The following CEP128 variants were observed in gnomAD, a reference collection of about 807,000 sequenced individuals.
CEP128 encodes the protein centrosomal protein 128kDa.
CEP128 carries 132 observed loss-of-function variants against 156.7 expected under a neutral mutation model. That is an observed-to-expected ratio of 0.84 (90% CI 0.73 to 0.97). CEP128 has a LOEUF of 0.97. CEP128 is among the 50% of genes least tolerant of loss of function. CEP128 has a pLI of 0.00. For missense variants in CEP128, 1,252 were observed against 1,281.9 expected (o/e 0.98, Z 0.36); for synonymous variants, 469 against 448.9 (o/e 1.04, Z -0.57).
intron 23 of CEP128, among the ~76,000 whole-genome samples, chr14:80,513,987 T>C (rs1048408821): frequency 1.3e-5 from 2 of 152,210 alleles, no homozygotes; most frequent in African/African-American, 4.8e-5. Flanking sequence ...AGGAAATACT[T>C]GTCATCTATT....
intron 19 of CEP128, among the ~76,000 whole-genome samples, chr14:80,591,731 T>G (rs1417091872): frequency 6.6e-6 from 1 of 152,134 alleles, no homozygotes; most frequent in Non-Finnish European, 1.5e-5. Flanking sequence ...TCACACTATT[T>G]CTAAAACTGA....
chr14:80,813,848 T>A (rs151149978), intron 13 of CEP128, among the ~76,000 whole-genome samples: 49 of 152,298 alleles, frequency 3.2e-4, no homozygotes, highest in African/African-American at 1.1e-3. Context: ...AACTGCTACA[T>A]CTTTGTTCTT....
intron 15 of CEP128, among the ~76,000 whole-genome samples, chr14:80,782,772 T>C (rs528283385): frequency 6.6e-6 from 1 of 152,298 alleles, no homozygotes; most frequent in Non-Finnish European, 1.5e-5. Context: ...AATGAAGGCT[T>C]TTTATACTTC....
At chr14:80,772,491 C>T (rs566595901) in intron 16 of CEP128, among the ~76,000 whole-genome samples, 236 of 152,266 alleles carry the variant, frequency 1.5e-3, no homozygotes, top group Non-Finnish European at 2.7e-3. Flanking sequence ...TGCATTCATC[C>T]TTCAAGTCCA....
intron 19 of CEP128, among the ~76,000 whole-genome samples, chr14:80,612,560 A>ATG (rs1893035614): frequency 1.3e-5 from 2 of 152,230 alleles, no homozygotes; most frequent in Non-Finnish European, 2.9e-5. Flanking sequence ...AAGGATAATC[A>ATG]CATTATTTGA....
intron 9 of CEP128, among the ~76,000 whole-genome samples, chr14:80,857,722 G>A (rs1450145595): frequency 1.4e-5 from 2 of 147,138 alleles, no homozygotes; most frequent in Non-Finnish European, 3.0e-5. Flanking sequence ...GGGCAACAGA[G>A]TGACCCCATC....
At chr14:80,551,679 T>TG (rs1890214043) in intron 21 of CEP128, among the ~76,000 whole-genome samples, 1 of 152,226 alleles carries the variant, frequency 6.6e-6, no homozygotes, top group Non-Finnish European at 1.5e-5. Context: ...ATCAACACTC[T>TG]CTTAGCTTTG....
chr14:80,783,037 G>A (rs746739130), intron 15 of CEP128, among the ~76,000 whole-genome samples: 1 of 151,914 alleles, frequency 6.6e-6, no homozygotes, highest in Non-Finnish European at 1.5e-5. Flanking sequence ...AACTGGCTCC[G>A]AAATATTTCA....
intron 13 of CEP128, among the ~76,000 whole-genome samples, chr14:80,817,583 A>G (rs1405970929): frequency 6.6e-6 from 1 of 152,164 alleles, no homozygotes; most frequent in African/African-American, 2.4e-5. Flanking sequence ...TAATAACTAT[A>G]ATAAAAAGCT....
chr14:80,784,224 A>T (rs937879669), intron 15 of CEP128, among the ~76,000 whole-genome samples: 7 of 151,946 alleles, frequency 4.6e-5, no homozygotes, highest in Admixed American at 4.6e-4. Flanking sequence ...TCTTCATTTC[A>T]ATAAGGGGAT....
intron 13 of CEP128, among the ~76,000 whole-genome samples, chr14:80,826,288 T>C (rs887181398): frequency 6.6e-6 from 1 of 152,072 alleles, no homozygotes; most frequent in Non-Finnish European, 1.5e-5. Context: ...TTGTGGCCAA[T>C]GTTTGTTTTC....
intron 14 of CEP128, among the ~76,000 whole-genome samples, chr14:80,482,110 T>A (rs1055703719): frequency 1.4e-5 from 2 of 143,862 alleles, no homozygotes; most frequent in African/African-American, 2.9e-5. Context: ...GAGAATCTTA[T>A]TTTTTTTTTC....
At chr14:80,836,387 C>T (rs370875638) in intron 11 of CEP128, 50 bp from the exon 12 acceptor site, 13 of 1,608,730 alleles carry the variant, frequency 8.1e-6, no homozygotes, top group Non-Finnish European at 1.1e-5. Flanking sequence ...CAGAGAAAGA[C>T]CTACTTCAAA....
At chr14:80,832,461 T>A (rs1229066050) in intron 12 of CEP128, among the ~76,000 whole-genome samples, 1 of 152,130 alleles carries the variant, frequency 6.6e-6, no homozygotes, top group Non-Finnish European at 1.5e-5. Context: ...ATAAAATACA[T>A]TCCCACTTCA....
At chr14:80,651,528 T>G (rs1238414956) in intron 19 of CEP128, among the ~76,000 whole-genome samples, 2 of 152,328 alleles carry the variant, frequency 1.3e-5, no homozygotes, top group South Asian at 2.1e-4. Context: ...ATTTTAGATC[T>G]TTCCAGCTTT....
intron 13 of CEP128, among the ~76,000 whole-genome samples, chr14:80,798,301 C>G (rs751053005): frequency 6.6e-6 from 1 of 152,036 alleles, no homozygotes; most frequent in Non-Finnish European, 1.5e-5. Context: ...ATATTACAGT[C>G]ATAATTATGT....
chr14:80,775,995 G>A (rs367849153), intron 16 of CEP128, among the ~76,000 whole-genome samples: 32 of 152,132 alleles, frequency 2.1e-4, no homozygotes, highest in East Asian at 5.8e-4. Context: ...CACCACACCC[G>A]GCTAATTTTT....
chr14:80,815,241 T>G (rs909567929), intron 13 of CEP128, among the ~76,000 whole-genome samples: 17 of 152,244 alleles, frequency 1.1e-4, no homozygotes, highest in African/African-American at 4.1e-4. Flanking sequence ...ATAAGTTCAT[T>G]AAAAAGTGGA....
chr14:80,674,934 T>G (rs1485207904), intron 19 of CEP128, among the ~76,000 whole-genome samples: 1 of 151,794 alleles, frequency 6.6e-6, no homozygotes, highest in Non-Finnish European at 1.5e-5. Context: ...CTTATAGGGA[T>G]CCTACTCTCT....
Sources: allele counts gnomAD v4.1 joint callset (sites outside exome capture counted in the v4.1 genomes callset), GRCh38; gene constraint gnomAD v4.1.1; transcripts MANE v1.5; gene names NCBI Gene and HGNC (gene_info 2026-07-23, HGNC 2026-07-21).